Variants in GRIA1 observed in about 807,000 individuals in gnomAD.
GRIA1 encodes the protein glutamate ionotropic receptor AMPA type subunit 1, also known as glutamate receptor 1.
In GRIA1, 31 loss-of-function variants were observed where a neutral mutation model predicts 99.2. The ratio of observed to expected loss-of-function variants is 0.31; its 90% CI spans 0.23 to 0.42. GRIA1 has a LOEUF of 0.42. GRIA1 is among the 10% of genes least tolerant of loss of function. The pLI, the probability that GRIA1 is intolerant of heterozygous loss-of-function variation, is 1.00. For missense variants in GRIA1, 782 were observed against 1,157.5 expected (o/e 0.68, Z 4.71); for synonymous variants, 438 against 432.4 (o/e 1.01, Z -0.16).
intron 5 of GRIA1, among the ~76,000 whole-genome samples, chr5:153,664,519 T>C (rs189919690): frequency 1.3e-5 from 2 of 152,208 alleles, no homozygotes; most frequent in East Asian, 3.9e-4. Flanking sequence ...GGCACTTTTT[T>C]TTTTTCAGGC....
chr5:153,543,337 T>C (rs2113501829), intron 2 of GRIA1, among the ~76,000 whole-genome samples: 1 of 152,180 alleles, frequency 6.6e-6, no homozygotes, highest in East Asian at 1.9e-4. Context: ...TTGTAGAGAG[T>C]TTACTATTGT....
intron 2 of GRIA1, among the ~76,000 whole-genome samples, chr5:153,624,244 G>A (rs1767357830): frequency 6.6e-6 from 1 of 152,194 alleles, no homozygotes; most frequent in Non-Finnish European, 1.5e-5. Flanking sequence ...TTTGCCATCT[G>A]AGCAATTGTC....
intron 11 of GRIA1, among the ~76,000 whole-genome samples, chr5:153,744,118 C>T (rs1293038787): frequency 6.6e-6 from 1 of 152,084 alleles, no homozygotes; most frequent in East Asian, 1.9e-4. Context: ...GCTGTGTCTC[C>T]AATTATCTCC....
At chr5:153,779,951 G>A (rs947817596) in intron 13 of GRIA1, among the ~76,000 whole-genome samples, 1 of 152,154 alleles carries the variant, frequency 6.6e-6, no homozygotes, top group Non-Finnish European at 1.5e-5. Flanking sequence ...TGAAAGCGAG[G>A]TGGCAGGGAT....
At chr5:153,603,569 G>A (rs1765190610) in intron 2 of GRIA1, among the ~76,000 whole-genome samples, 1 of 152,090 alleles carries the variant, frequency 6.6e-6, no homozygotes, top group Admixed American at 6.5e-5. Context: ...GAGTGCCTAA[G>A]GTAGTAAAGG....
At chr5:153,665,706 G>A (rs1341639431) in intron 5 of GRIA1, among the ~76,000 whole-genome samples, 2 of 152,172 alleles carry the variant, frequency 1.3e-5, no homozygotes, top group East Asian at 3.9e-4. Flanking sequence ...AAATCAAGTG[G>A]CTCAGAAGTT....
rs1439717638 is a variant in GRIA1, at chr5:153,770,280, G to A, written c.2135G>A (p.Gly712Asp). The A allele has an allele frequency of 6.2e-7, 1 of 1,613,904 alleles. No individual in the cohort carries two copies. Among genetic ancestry groups the A allele is most frequent in the Non-Finnish European group, 8.5e-7 (1 of 1,179,946 alleles). ...ATGATTCGAGTGAGGAAATCCAAAG[G>A]CAAATATGCCTACCTCCTGGAGTCC... ...EGMIRVRKSK[G>D]KYAYLLESTM... The change falls in exon 13 of 16, where the codon GGC (glycine) becomes GAC (aspartate). Residue 712 changes from glycine to aspartate, a missense_variant. Around this residue, in one of 5 missense-constraint regions of GRIA1, gnomAD observed 119 missense variants for 326.6 expected, o/e 0.36. Transcript: ENST00000285900.
intron 2 of GRIA1, among the ~76,000 whole-genome samples, chr5:153,554,743 C>T (rs1381149486): frequency 1.3e-5 from 2 of 152,210 alleles, no homozygotes; most frequent in Admixed American, 6.5e-5. Flanking sequence ...ATCTGCCCAC[C>T]TCAGCCTCCC....
At chr5:153,784,104 C>A (rs1392621907) in intron 13 of GRIA1, among the ~76,000 whole-genome samples, 1 of 152,156 alleles carries the variant, frequency 6.6e-6, no homozygotes, top group Non-Finnish European at 1.5e-5. Context: ...ACTCTACAGG[C>A]AGCTGGGGCA....
At chr5:153,561,145 C>T (rs569590324) in intron 2 of GRIA1, among the ~76,000 whole-genome samples, 41 of 152,258 alleles carry the variant, frequency 2.7e-4, no homozygotes, top group African/African-American at 8.9e-4. Context: ...GATCAAGAGT[C>T]CACATCAGAT....
chr5:153,750,377 T>C lies in GRIA1; in HGVS notation c.1824-14057T>C, dbSNP rs181101942. 2.4e-3 allele frequency among the ~76,000 whole-genome samples: 372 copies of C among 152,238 alleles called. 8 individuals carry two copies. In the South Asian group the frequency reaches 0.057, roughly 23 times the overall value. On this transcript the variant is annotated intron_variant, in intron 11 of 15. Transcript: ENST00000285900. ...ATTTGAAGAAGAGGACAAAGGGAAA[T>C]AGGTTGCACTCAGTGACCTCTTGAG...
At chr5:153,645,664 G>T (rs1448791556) in intron 2 of GRIA1, among the ~76,000 whole-genome samples, 1 of 152,098 alleles carries the variant, frequency 6.6e-6, no homozygotes, top group Non-Finnish European at 1.5e-5. Flanking sequence ...ATCTTGTGGG[G>T]CTATAGTTTC....
At chr5:153,637,028 G>T (rs1753412937) in intron 2 of GRIA1, among the ~76,000 whole-genome samples, 1 of 152,196 alleles carries the variant, frequency 6.6e-6, no homozygotes, top group South Asian at 2.1e-4. Flanking sequence ...CCTCATGCAT[G>T]AAATAGGAAA....
At chr5:153,532,408 C>G (rs1758172903) in intron 2 of GRIA1, among the ~76,000 whole-genome samples, 2 of 152,230 alleles carry the variant, frequency 1.3e-5, no homozygotes, top group Non-Finnish European at 1.5e-5. Context: ...ATCTGTCTTC[C>G]CAACAGGGAC....
At chr5:153,624,966 G>A (rs1334999608) in intron 2 of GRIA1, among the ~76,000 whole-genome samples, 2 of 152,178 alleles carry the variant, frequency 1.3e-5, no homozygotes, top group African/African-American at 4.8e-5. Context: ...ACTCAGTAAC[G>A]TCTCCTGTGC....
intron 13 of GRIA1, among the ~76,000 whole-genome samples, chr5:153,792,934 T>C (rs1765393921): frequency 6.6e-6 from 1 of 152,166 alleles, no homozygotes; most frequent in African/African-American, 2.4e-5. Flanking sequence ...AGCAAAATCA[T>C]AAATATGAAC....
chr5:153,632,470 G>C (rs1753048240), intron 2 of GRIA1, among the ~76,000 whole-genome samples: 1 of 152,134 alleles, frequency 6.6e-6, no homozygotes, highest in South Asian at 2.1e-4. Flanking sequence ...ATATTTATTG[G>C]CTGTGCTACT....
chr5:153,795,702 C>A, intron 14 of GRIA1: 1 of 608,742 alleles, frequency 1.6e-6, no homozygotes, highest in Admixed American at 3.0e-5. Context: ...TGGGCCCCAG[C>A]AGGGCCTTGA....
At chr5:153,746,395 G>GAGTT (rs1403962269) in intron 11 of GRIA1, among the ~76,000 whole-genome samples, 2 of 152,148 alleles carry the variant, frequency 1.3e-5, no homozygotes, top group Non-Finnish European at 2.9e-5. Flanking sequence ...CCTTGTGCTG[G>GAGTT]AGTTAACAAA....
Sources: gnomAD v4.1 joint callset for allele counts (sites outside exome capture counted in the v4.1 genomes callset) on GRCh38, gnomAD v4.1.1 for gene constraint, gnomAD v4.1.1 regional missense constraint, MANE v1.5 for transcripts, NCBI Gene and HGNC (gene_info 2026-07-23, HGNC 2026-07-21) for gene names.